The following CHLSN variants were observed in gnomAD, a reference collection of about 807,000 sequenced individuals.
CHLSN encodes the protein protein cholesin.
chr7:988,789 GGCCCAGGCCCTGTGTGCGGT>G, the CHLSN span: 3 of 1,593,492 alleles, frequency 1.9e-6, no homozygotes, highest in Non-Finnish European at 2.5e-6. Context: ...TGAGGCCGAG[GGCCCAGGCCCTGTGTGCGGT>G]GCCCAGGCCC....
At chr7:1,065,288 T>C in the CHLSN span, among the ~76,000 whole-genome samples, 1 of 151,772 alleles carries the variant, frequency 6.6e-6, no homozygotes, top group Non-Finnish European at 1.5e-5. Flanking sequence ...ATGGTTAACA[T>C]CTGTCCCCGC....
At chr7:1,102,061 C>T in the CHLSN span, among the ~76,000 whole-genome samples, 1 of 152,254 alleles carries the variant, frequency 6.6e-6, no homozygotes, top group Non-Finnish European at 1.5e-5. Context: ...GCAGCATGTC[C>T]GCTGACCACA....
chr7:1,023,050 C>T, the CHLSN span: 3 of 450,152 alleles, frequency 6.7e-6, no homozygotes, highest in Non-Finnish European at 1.3e-5. The surrounding 1 kb of genome is among the most constrained non-coding windows in gnomAD (Gnocchi z 5.0). Flanking sequence ...CAGGACGCTT[C>T]CTGCCACCCC....
chr7:1,089,392 A>G, the CHLSN span, among the ~76,000 whole-genome samples: 1 of 151,948 alleles, frequency 6.6e-6, no homozygotes, highest in African/African-American at 2.4e-5. Context: ...GCCTCACTGC[A>G]GTAGCTCAGG....
chr7:1,068,321 C>T, the CHLSN span, among the ~76,000 whole-genome samples: 1 of 152,124 alleles, frequency 6.6e-6, no homozygotes, highest in East Asian at 1.9e-4. Flanking sequence ...TTGGACAAAC[C>T]ACCCCTCAGA....
chr7:994,227 G>A, the CHLSN span, among the ~76,000 whole-genome samples: 5 of 151,972 alleles, frequency 3.3e-5, no homozygotes, highest in Non-Finnish European at 5.9e-5. Context: ...GCACGATCTC[G>A]GCTCACTGCA....
At chr7:1,010,204 G>T in the CHLSN span, 2 of 1,485,140 alleles carry the variant, frequency 1.3e-6, no homozygotes, top group Non-Finnish European at 1.8e-6. Flanking sequence ...CGGGTGCGCT[G>T]CCTGGGGCTT....
the CHLSN span, among the ~76,000 whole-genome samples, chr7:1,066,186 G>A: frequency 1.3e-5 from 2 of 152,226 alleles, no homozygotes; most frequent in Admixed American, 6.5e-5. Flanking sequence ...GCGGGGTCCC[G>A]GCCCAGAAAG....
the CHLSN span, among the ~76,000 whole-genome samples, chr7:1,131,205 A>C: frequency 2.0e-5 from 3 of 151,932 alleles, no homozygotes; most frequent in East Asian, 5.8e-4. Context: ...AAAAAAAAAA[A>C]AAAAAAAAAA....
the CHLSN span, among the ~76,000 whole-genome samples, chr7:1,121,892 C>T: frequency 6.6e-6 from 1 of 151,046 alleles, no homozygotes; most frequent in Non-Finnish European, 1.5e-5. Context: ...CGTGCTGCAC[C>T]CACCCACTGC....
At chr7:982,539 G>A in the CHLSN span, among the ~76,000 whole-genome samples, 1 of 152,262 alleles carries the variant, frequency 6.6e-6, no homozygotes, top group Admixed American at 6.5e-5. Flanking sequence ...TCCTGTCCTA[G>A]CTCAGAGGGT....
the CHLSN span, among the ~76,000 whole-genome samples, chr7:994,395 A>G: frequency 6.6e-6 from 1 of 152,014 alleles, no homozygotes; most frequent in South Asian, 2.1e-4. Context: ...TCCTGACCTC[A>G]TGATCCGCCC....
At chr7:1,040,183 T>TAAAAAAA in the CHLSN span, among the ~76,000 whole-genome samples, 398 of 74,454 alleles carry the variant, frequency 5.3e-3, 7 homozygotes, top group African/African-American at 0.016. Flanking sequence ...AAAATAAATT[T>TAAAAAAA]AAAAAAAAAA....
chr7:1,124,952 G>C, the CHLSN span, among the ~76,000 whole-genome samples: 3 of 152,280 alleles, frequency 2.0e-5, no homozygotes, highest in African/African-American at 7.2e-5. Flanking sequence ...AGGACAAGCT[G>C]TCTGGCTGTG....
At chr7:1,011,830 G>A in the CHLSN span, among the ~76,000 whole-genome samples, 1 of 152,184 alleles carries the variant, frequency 6.6e-6, no homozygotes, top group Admixed American at 6.5e-5. Context: ...GGGACGAGGA[G>A]CACCGTCCCT....
chr7:1,019,711 G>A, the CHLSN span, among the ~76,000 whole-genome samples: 6 of 152,232 alleles, frequency 3.9e-5, no homozygotes, highest in African/African-American at 1.4e-4. Context: ...TGCAGCCAGG[G>A]CTTCCAGATG....
the CHLSN span, among the ~76,000 whole-genome samples, chr7:1,078,915 C>T: frequency 1.3e-5 from 2 of 151,972 alleles, no homozygotes; most frequent in African/African-American, 4.8e-5. Flanking sequence ...AGCTCCATCC[C>T]CCACCCCAGC....
chr7:1,054,745 C>T, the CHLSN span, among the ~76,000 whole-genome samples: 2 of 152,188 alleles, frequency 1.3e-5, no homozygotes, highest in Non-Finnish European at 2.9e-5. Flanking sequence ...CAGGAGGCTC[C>T]GTGTGTGGGG....
chr7:1,006,197 T>C, the CHLSN span, among the ~76,000 whole-genome samples: 24 of 152,180 alleles, frequency 1.6e-4, no homozygotes, highest in South Asian at 5.0e-3. Context: ...CTTCCGCCTA[T>C]GCAAGGCCAG....
Sources: allele counts gnomAD v4.1 joint callset (sites outside exome capture counted in the v4.1 genomes callset), GRCh38; gene constraint gnomAD v4.1.1; non-coding constraint Gnocchi (gnomAD v3.1); transcripts MANE v1.5; gene names NCBI Gene and HGNC (gene_info 2026-07-23, HGNC 2026-07-21).